The following HIPK3 variants were observed in gnomAD, a reference collection of about 807,000 sequenced individuals.
HIPK3 encodes the protein homeodomain interacting protein kinase 3.
HIPK3 carries 47 observed loss-of-function variants against 124.2 expected under a neutral mutation model. The observed-to-expected ratio is 0.38, with a 90% confidence interval of 0.30 to 0.48. The LOEUF is 0.48. HIPK3 is among the 20% of genes least tolerant of loss of function. The pLI, the probability that HIPK3 is intolerant of heterozygous loss-of-function variation, is 0.98. For missense variants in HIPK3, 1,286 were observed against 1,454.3 expected, an observed-to-expected ratio of 0.88 and a Z score of 1.88; for synonymous variants, 482 against 515.2, an observed-to-expected ratio of 0.94 and a Z score of 0.87.
At chr11:33,275,722 T>C (rs1316925149) in intron 1 of HIPK3, among the ~76,000 whole-genome samples, 4 of 152,254 alleles carry the variant, frequency 2.6e-5, no homozygotes, top group South Asian at 4.1e-4. Flanking sequence ...TTGGATCATA[T>C]AGTGAAGTTC....
intron 2 of HIPK3, among the ~76,000 whole-genome samples, chr11:33,327,046 G>A (rs1343352144): frequency 6.6e-6 from 1 of 151,920 alleles, no homozygotes; most frequent in African/African-American, 2.4e-5. Flanking sequence ...AACAAAGTAG[G>A]AATCCTTTAA....
At chr11:33,261,361 C>G (rs920033657) in intron 1 of HIPK3, among the ~76,000 whole-genome samples, 1 of 151,946 alleles carries the variant, frequency 6.6e-6, no homozygotes, top group Non-Finnish European at 1.5e-5. Flanking sequence ...TCTTCTCCCT[C>G]CTCTCATCCT....
At position 33,341,642 on chromosome 11, in the gene HIPK3, A is replaced by T. The variant is rs1853338991; in HGVS notation, c.1853A>T (p.Asp618Val). 6.2e-7 allele frequency: 1 copy of T among 1,613,710 alleles called. No individual in the cohort carries two copies. The highest frequency in any genetic ancestry group is 1.3e-5 in the African/African-American group (1 of 74,922). Residue 618 changes from aspartate to valine, a missense_variant, in exon 8 of 17, where the codon GAT (aspartate) becomes GTT (valine). This residue lies in a region of HIPK3 where 810 missense variants were observed against 864.9 expected (regional missense o/e 0.94). Coordinates refer to ENST00000303296, the MANE Select transcript of HIPK3 (RefSeq NM_005734.5). ...QAGTAQFGCG[D>V]AFQQTLIICP... ...GGAACTGCTCAGTTTGGTTGTGGTG[A>T]TGCTTTTCAGCAGACATTGATTATC...
In HIPK3 at chr11:33,287,577, T is replaced by C; in HGVS notation, c.1097+66T>C. 4 of 1,497,700 alleles carry C rather than the reference T, an allele frequency of 2.7e-6. No homozygotes were observed. In the South Asian group the frequency reaches 3.9e-5, roughly 15 times the overall value. 92.8% of individuals were successfully genotyped at this position (1,497,700 alleles called of 1,614,324 possible). A position where few individuals can be genotyped will look rare whatever the true frequency, so the allele number is the denominator to read the frequency against. ...GAAATTTCTGCTAAATGAAATACTT[T>C]TGTGTGTGTTTGTGGTAGAAGAGAC... On this transcript the variant is annotated intron_variant, in intron 2 of 16. Coordinates refer to ENST00000303296, the MANE Select transcript of HIPK3 (RefSeq NM_005734.5).
chr11:33,344,809 T>A (rs986204096), intron 8 of HIPK3, among the ~76,000 whole-genome samples: 2 of 152,282 alleles, frequency 1.3e-5, no homozygotes, highest in East Asian at 3.9e-4. Flanking sequence ...GCCTTAGAAA[T>A]GAAAGCACTC....
chr11:33,343,247 T>TTTTG (rs376198168), intron 8 of HIPK3, among the ~76,000 whole-genome samples: 4 of 141,418 alleles, frequency 2.8e-5, no homozygotes, highest in Admixed American at 7.1e-5. Flanking sequence ...TTATTTGATT[T>TTTTG]TGTGTGTGTG....
intron 2 of HIPK3, among the ~76,000 whole-genome samples, chr11:33,298,951 A>G (rs1400829783): frequency 1.3e-5 from 2 of 152,096 alleles, no homozygotes; most frequent in South Asian, 2.1e-4. Context: ...GGTTCAGGCA[A>G]TTCTCCTGCC....
At chr11:33,271,059 A>C (rs1449285009) in intron 1 of HIPK3, among the ~76,000 whole-genome samples, 1 of 152,218 alleles carries the variant, frequency 6.6e-6, no homozygotes, top group Non-Finnish European at 1.5e-5. Flanking sequence ...ATATTAGTCT[A>C]GTATACCAAT....
At chr11:33,290,257 C>T (rs1174744514) in intron 2 of HIPK3, among the ~76,000 whole-genome samples, 4 of 151,998 alleles carry the variant, frequency 2.6e-5, no homozygotes, top group African/African-American at 9.7e-5. Context: ...TTTGCTGTTG[C>T]AGGGTAGTAG....
intron 2 of HIPK3, among the ~76,000 whole-genome samples, chr11:33,315,696 A>G (rs1051316844): frequency 6.6e-6 from 1 of 152,178 alleles, no homozygotes; most frequent in Non-Finnish European, 1.5e-5. Flanking sequence ...TTAGCTATTG[A>G]TCAGTCATAG....
intron 7 of HIPK3, 83 bp downstream of exon 7, chr11:33,341,210 G>T: frequency 1.0e-6 from 1 of 999,142 alleles, no homozygotes; most frequent in Non-Finnish European, 1.5e-6. Context: ...GAAGTTTGGT[G>T]TCAGTTGTTA....
chr11:33,259,903 G>C (rs1032911768), intron 1 of HIPK3, among the ~76,000 whole-genome samples: 9 of 150,748 alleles, frequency 6.0e-5, no homozygotes, highest in African/African-American at 2.0e-4. Context: ...ATCTAGAACA[G>C]AACTGGCCAT....
chr11:33,288,217 C>T (rs1231256813), intron 2 of HIPK3, among the ~76,000 whole-genome samples: 1 of 152,162 alleles, frequency 6.6e-6, no homozygotes, highest in Admixed American at 6.5e-5. Flanking sequence ...CTTAGGGAGG[C>T]TGAGGCGGGT....
rs1015246374 is a variant in HIPK3, at chr11:33,257,791, G to A, written c.-101G>A. The A allele has an allele frequency of 7.1e-6, 7 of 986,678 alleles. No homozygotes were observed. The African/African-American group carries it at 1.2e-4, about 17-fold the overall frequency. 61.1% of individuals were successfully genotyped at this position (986,678 alleles called of 1,614,324 possible). On this transcript the variant is annotated 5_prime_UTR_variant, in exon 1 of 17. Transcript: ENST00000303296. ...GGGCTGGGTGGTGCCGCCTGCTGAA[G>A]CGCCTGGCTCCCGGTCCCCGGCACG...
intron 1 of HIPK3, among the ~76,000 whole-genome samples, chr11:33,263,496 A>G (rs1850878946): frequency 6.6e-6 from 1 of 151,696 alleles, no homozygotes; most frequent in East Asian, 2.0e-4. Context: ...TTGTATTTTT[A>G]GTAGAGATGG....
intron 4 of HIPK3, among the ~76,000 whole-genome samples, chr11:33,338,274 G>T (rs1191957090): frequency 1.3e-5 from 2 of 151,936 alleles, no homozygotes; most frequent in Non-Finnish European, 2.9e-5. Flanking sequence ...TTACTCTGTT[G>T]CAAGGCTGGA....
intron 2 of HIPK3, among the ~76,000 whole-genome samples, chr11:33,296,112 T>C (rs1851836832): frequency 6.6e-6 from 1 of 152,222 alleles, no homozygotes; most frequent in Non-Finnish European, 1.5e-5. Context: ...CTCATAGATT[T>C]TTGTTTAATT....
intron 2 of HIPK3, among the ~76,000 whole-genome samples, chr11:33,310,707 TAGAG>T: frequency 6.6e-6 from 1 of 152,280 alleles, no homozygotes; most frequent in East Asian, 1.9e-4. Context: ...CATGTGCAGA[TAGAG>T]ATAGTACAAA....
At chr11:33,258,271 A>G in intron 1 of HIPK3, 1 of 982,798 alleles carries the variant, frequency 1.0e-6, no homozygotes, top group Non-Finnish European at 1.2e-6. Context: ...GTTTAGTCCC[A>G]CGGGGAGCCT....
Sources: allele counts gnomAD v4.1 joint callset (sites outside exome capture counted in the v4.1 genomes callset), GRCh38; gene constraint gnomAD v4.1.1; regional missense constraint gnomAD v4.1.1; transcripts MANE v1.5; gene names NCBI Gene and HGNC (gene_info 2026-07-23, HGNC 2026-07-21).